AASDHPPT: variants seen among roughly 807,000 people sequenced by gnomAD.
AASDHPPT encodes the protein L-aminoadipate-semialdehyde dehydrogenase-phosphopantetheinyl transferase.
AASDHPPT carries 23 observed loss-of-function variants against 36.4 expected under a neutral mutation model. The observed-to-expected ratio is 0.63, with a 90% confidence interval of 0.45 to 0.89. The LOEUF (loss-of-function observed/expected upper bound fraction) is 0.89, where lower values mean the gene tolerates loss of function less well. Among genes scored for constraint, AASDHPPT ranks in the 40% least tolerant of loss-of-function variants. AASDHPPT has a pLI of 0.00. For synonymous variants in AASDHPPT, 115 were observed against 128.0 expected (o/e 0.90, Z 0.68); for missense variants, 377 against 378.2 (o/e 1.00, Z 0.03).
At chr11:106,078,373 G>C (rs191150848) in intron 1 of AASDHPPT, among the ~76,000 whole-genome samples, 1 of 152,028 alleles carries the variant, frequency 6.6e-6, no homozygotes, top group Non-Finnish European at 1.5e-5. Flanking sequence ...GTAGCCCTGC[G>C]CTCCCCGGGA....
intron 2 of AASDHPPT, among the ~76,000 whole-genome samples, chr11:106,087,693 G>GTA (rs1861210721): frequency 6.6e-6 from 1 of 152,092 alleles, no homozygotes; most frequent in Admixed American, 6.6e-5. Context: ...TGATTTTGTT[G>GTA]TATGTTACTA....
At chr11:106,095,345 G>C (rs867619447) in intron 5 of AASDHPPT, among the ~76,000 whole-genome samples, 69 of 152,214 alleles carry the variant, frequency 4.5e-4, no homozygotes, top group African/African-American at 1.6e-3. Flanking sequence ...CTTGCAAATT[G>C]AATCCACTCC....
chr11:106,096,127 A>G (rs1861310607), intron 5 of AASDHPPT, among the ~76,000 whole-genome samples: 2 of 152,202 alleles, frequency 1.3e-5, no homozygotes, highest in African/African-American at 4.8e-5. Context: ...CTATGAGACC[A>G]GTCATATAAG....
chr11:106,080,364 C>A (rs1292840733), intron 2 of AASDHPPT, among the ~76,000 whole-genome samples: 2 of 152,158 alleles, frequency 1.3e-5, no homozygotes, highest in Non-Finnish European at 2.9e-5. Flanking sequence ...CTAAATACAT[C>A]TCTTTTTAGC....
In AASDHPPT at chr11:106,077,826, C is replaced by T. The variant is rs1456250000; in HGVS notation, c.116C>T (p.Ser39Leu). Reference sequence around the variant, plus strand: ...GCCGAATGGCTGCTGGCAGTGCGATCGATTCAGCCCGAGGAGAAGGAGCGC... The same window carrying T: ...GCCGAATGGCTGCTGGCAGTGCGATTGATTCAGCCCGAGGAGAAGGAGCGC... ...SRAEWLLAVR[S>L]IQPEEKERIG... is the part of the protein sequence containing the mutation. Residue 39 changes from serine to leucine, a missense_variant, in exon 1 of 6, where the codon TCG becomes TTG. Physicochemically the swap from Ser to Leu is moderately radical, Grantham distance 145 (BLOSUM62 -2). Transcript: ENST00000278618. 2 of 1,614,166 alleles carry T rather than the reference C, an allele frequency of 1.2e-6. No individual in the cohort carries two copies. Among genetic ancestry groups the T allele is most frequent in the Non-Finnish European group, 1.7e-6 (2 of 1,180,002 alleles).
chr11:106,086,396 AT>A (rs1358077401), intron 2 of AASDHPPT: 5 of 152,068 alleles, frequency 3.3e-5, no homozygotes, highest in Non-Finnish European at 5.9e-5. Flanking sequence ...CAGGCATTGG[AT>A]TCAGGGCTCA....
intron 5 of AASDHPPT, among the ~76,000 whole-genome samples, chr11:106,095,580 C>T (rs996173919): frequency 5.9e-5 from 9 of 152,092 alleles, no homozygotes; most frequent in South Asian, 4.1e-4. Flanking sequence ...TTAAGGAAAA[C>T]GTATGTTTTA....
rs768492559 is a variant in AASDHPPT, at chr11:106,090,628, A to C, written c.481A>C (p.Arg161=). 3.7e-6 allele frequency: 6 copies of C among 1,601,652 alleles called. No individual in the cohort carries two copies. Among genetic ancestry groups the C allele is most frequent in the Non-Finnish European group, 5.1e-6 (6 of 1,175,178 alleles). The part of the protein sequence containing the change: ...KFTNKEWETI[R]SFKDEWTQLD... ...TACCAACAAAGAATGGGAAACAATC[A>C]GAAGCTTTAAGGATGAGTGGACTCA... Residue 161 remains arginine (R), a synonymous_variant, in exon 3 of 6, where the codon AGA becomes CGA. Transcript: ENST00000278618.
rs1488216252 is a variant in AASDHPPT, at chr11:106,079,679, G to C, written c.396G>C (p.Lys132Asn). ...PELQVGIDIM[K>N]TSFPGRGSIP... ...TGCAAGTTGGAATTGATATAATGAA[G>C]ACTAGTTTTCCAGGTAACGTTGCAT... Residue 132 changes from lysine to asparagine, a missense_variant, in exon 2 of 6, where the codon AAG becomes AAC. Transcript: ENST00000278618. 7.4e-6 allele frequency: 12 copies of C among 1,613,776 alleles called. No individual in the cohort carries two copies. The highest frequency in any genetic ancestry group is 9.3e-6 in the Non-Finnish European group (11 of 1,179,884).
chr11:106,094,950 AC>A (rs2092273245), intron 5 of AASDHPPT, among the ~76,000 whole-genome samples: 1 of 151,910 alleles, frequency 6.6e-6, no homozygotes, highest in African/African-American at 2.4e-5. Context: ...ACATGGAGAA[AC>A]CCCATCTCTA....
intron 2 of AASDHPPT, among the ~76,000 whole-genome samples, chr11:106,081,122 A>G (rs558890976): frequency 3.9e-5 from 6 of 152,292 alleles, no homozygotes; most frequent in African/African-American, 1.4e-4. Flanking sequence ...TGTAATAGTA[A>G]AATATTTGTC....
At chr11:106,084,433 A>G (rs1353184871) in intron 2 of AASDHPPT, among the ~76,000 whole-genome samples, 1 of 152,078 alleles carries the variant, frequency 6.6e-6, no homozygotes, top group Non-Finnish European at 1.5e-5. Flanking sequence ...AGTTAGGTCT[A>G]TATGAACCTG....
chr11:106,095,951 A>G (rs1376340616), intron 5 of AASDHPPT: 1 of 152,228 alleles, frequency 6.6e-6, no homozygotes, highest in Non-Finnish European at 1.5e-5. Flanking sequence ...TTTAGGCAAC[A>G]GTGGCATGTT....
chr11:106,097,002 C>A lies in AASDHPPT; in HGVS notation c.*95C>A. The A allele has an allele frequency of 2.5e-5, 31 of 1,260,570 alleles. No homozygotes were observed. The highest frequency in any genetic ancestry group is 9.0e-5 in the South Asian group (5 of 55,606). The allele number at this position is 1,260,570 out of a possible 1,614,324, so 78.1% of individuals were successfully genotyped here. A position where few individuals can be genotyped will look rare whatever the true frequency, so the allele number is the denominator to read the frequency against. On this transcript the variant is annotated 3_prime_UTR_variant, in exon 6 of 6. Coordinates refer to ENST00000278618, the MANE Select transcript of AASDHPPT (RefSeq NM_015423.3). ...TTGTTTAGTATCAAATTTTATTTCACGAAAGTTTTTTTAAAGAACAGAAAC... is the reference window on the plus strand; with the variant it reads ...TTGTTTAGTATCAAATTTTATTTCAAGAAAGTTTTTTTAAAGAACAGAAAC...
chr11:106,095,879 A>G (rs1861307458), intron 5 of AASDHPPT: 1 of 152,134 alleles, frequency 6.6e-6, no homozygotes, highest in Non-Finnish European at 1.5e-5. Flanking sequence ...GTTTTCATAG[A>G]GCTTTATAAT....
chr11:106,080,166 A>G (rs920792520), intron 2 of AASDHPPT, among the ~76,000 whole-genome samples: 1 of 152,142 alleles, frequency 6.6e-6, no homozygotes, highest in Non-Finnish European at 1.5e-5. Flanking sequence ...CTCTGTCCCC[A>G]TAGATTCTGC....
intron 1 of AASDHPPT, 119 bp from the exon 2 acceptor site, chr11:106,079,348 T>C: frequency 1.2e-6 from 1 of 809,496 alleles, no homozygotes; most frequent in African/African-American, 1.7e-5. Flanking sequence ...AATACTTAAG[T>C]ATTTTGAAAA....
chr11:106,077,770 CTT>C lies in AASDHPPT; in HGVS notation c.63_64del (p.Ser22LeufsTer36). ...VPSMEGVRWA[F>X]SCGTWLPSRA... ...CATCCATGGAGGGCGTGCGCTGGGC[CTT>C]TTCCTGCGGCACTTGGCTGCCGAGC... On this transcript the variant is annotated frameshift_variant, in exon 1 of 6. Coordinates refer to ENST00000278618, the MANE Select transcript of AASDHPPT (RefSeq NM_015423.3). LOFTEE classifies it high-confidence loss of function. 4 of 1,614,140 alleles carry C rather than the reference CTT, an allele frequency of 2.5e-6. No homozygotes were observed. Among genetic ancestry groups the C allele is most frequent in the Non-Finnish European group, 3.4e-6 (4 of 1,180,012 alleles).
Position 106,079,481 on chromosome 11 carries a change from G to C in AASDHPPT, c.198G>C (p.Met66Ile). Residue 66 changes from methionine to isoleucine, a missense_variant, in exon 2 of 6, where the codon ATG becomes ATC. Coordinates refer to ENST00000278618, the MANE Select transcript of AASDHPPT (RefSeq NM_015423.3). Reference sequence around the variant, plus strand: ...GTACTTAACAGGCTGGTCGTCTGATGATAAGGAAATTAGTTGCAGAGAAAT... The same window carrying C: ...GTACTTAACAGGCTGGTCGTCTGATCATAAGGAAATTAGTTGCAGAGAAAT... Reference protein sequence around the residue: ...DAKAAMAGRLMIRKLVAEKLN... With the variant: ...DAKAAMAGRLIIRKLVAEKLN... The C allele has an allele frequency of 6.2e-7, 1 of 1,609,322 alleles. No homozygotes were observed. The highest frequency in any genetic ancestry group is 8.5e-7 in the Non-Finnish European group (1 of 1,177,198).
Sources: gnomAD v4.1 joint callset for allele counts (sites outside exome capture counted in the v4.1 genomes callset) on GRCh38, gnomAD v4.1.1 for gene constraint, MANE v1.5 for transcripts, NCBI Gene and HGNC (gene_info 2026-07-23, HGNC 2026-07-21) for gene names.